Variants in ERC2 observed in about 807,000 individuals in gnomAD.
ERC2 encodes ERC protein 2.
In ERC2, 42 loss-of-function variants were observed where a neutral mutation model predicts 114.8. The ratio of observed to expected loss-of-function variants is 0.37; its 90% CI spans 0.29 to 0.47. The LOEUF is 0.47. Ranked by LOEUF, ERC2 falls within the 20% of genes least tolerant of loss-of-function variation. The pLI, the probability that ERC2 is intolerant of heterozygous loss-of-function variation, is 0.99. For missense variants in ERC2, 939 were observed against 1,150.7 expected (o/e 0.82, Z 2.66); for synonymous variants, 454 against 425.5 (o/e 1.07, Z -0.82).
At chr3:56,158,810 T>TA (rs1419396271) in intron 4 of ERC2, among the ~76,000 whole-genome samples, 5 of 151,884 alleles carry the variant, frequency 3.3e-5, no homozygotes, top group Admixed American at 3.3e-4. Context: ...ACAAACTTGT[T>TA]TTTTTTCAAA....
intron 7 of ERC2, among the ~76,000 whole-genome samples, chr3:56,076,864 G>A (rs2077000239): frequency 6.6e-6 from 1 of 152,166 alleles, no homozygotes; most frequent in Admixed American, 6.5e-5. Flanking sequence ...AGCTCTGAAG[G>A]CAAAGCTGAC....
At chr3:55,917,482 C>G (rs901457155) in intron 13 of ERC2, among the ~76,000 whole-genome samples, 14 of 151,966 alleles carry the variant, frequency 9.2e-5, no homozygotes, top group African/African-American at 3.1e-4. Context: ...GAAAAAGAAG[C>G]CAGATACAAA....
At chr3:56,418,629 T>G (rs1003464341) in intron 2 of ERC2, among the ~76,000 whole-genome samples, 2 of 152,256 alleles carry the variant, frequency 1.3e-5, no homozygotes, top group African/African-American at 4.8e-5. Context: ...ACCATATATG[T>G]GGCCTTTGGC....
intron 15 of ERC2, among the ~76,000 whole-genome samples, chr3:55,733,542 T>A (rs56895062): frequency 0.15 from 15,595 of 107,466 alleles, 1,275 homozygotes; most frequent in Middle Eastern, 0.23. Context: ...TCTCTCTCTC[T>A]CACACACACA....
chr3:55,535,202 C>G (rs2053922798), intron 17 of ERC2, among the ~76,000 whole-genome samples: 2 of 152,186 alleles, frequency 1.3e-5, no homozygotes, highest in Admixed American at 1.3e-4. Context: ...CTTCATCTTG[C>G]CTGACTTGTA....
chr3:55,990,489 C>T (rs1210704933), intron 11 of ERC2, among the ~76,000 whole-genome samples: 2 of 152,010 alleles, frequency 1.3e-5, no homozygotes, highest in Non-Finnish European at 2.9e-5. Context: ...AGTGCAGTGG[C>T]TCATAATTTA....
At chr3:55,958,661 A>T (rs2149462148) in intron 12 of ERC2, among the ~76,000 whole-genome samples, 1 of 152,308 alleles carries the variant, frequency 6.6e-6, no homozygotes, top group South Asian at 2.1e-4. Flanking sequence ...TCAGCACCCA[A>T]AGTCTAGAGA....
chr3:56,449,630 T>C (rs905011047), intron 1 of ERC2, among the ~76,000 whole-genome samples: 1 of 152,138 alleles, frequency 6.6e-6, no homozygotes, highest in African/African-American at 2.4e-5. Flanking sequence ...TTGGCTGGAG[T>C]CATATTTCTG....
chr3:56,437,748 T>G (rs1356820968), intron 1 of ERC2, among the ~76,000 whole-genome samples: 1 of 152,218 alleles, frequency 6.6e-6, no homozygotes, highest in African/African-American at 2.4e-5. Flanking sequence ...GGATCAATAG[T>G]TCTAACATAA....
intron 3 of ERC2, among the ~76,000 whole-genome samples, chr3:56,186,712 T>C (rs908224800): frequency 1.3e-5 from 2 of 152,120 alleles, no homozygotes; most frequent in African/African-American, 4.8e-5. Context: ...CTAATTTTTG[T>C]ATTTTTAATA....
At chr3:55,973,355 C>T (rs185355507) in intron 12 of ERC2, among the ~76,000 whole-genome samples, 5 of 152,306 alleles carry the variant, frequency 3.3e-5, no homozygotes, top group Admixed American at 3.3e-4. Flanking sequence ...CACTTCCACA[C>T]CTAAGTGCCA....
At chr3:55,822,712 C>A (rs919702369) in intron 14 of ERC2, among the ~76,000 whole-genome samples, 1 of 151,256 alleles carries the variant, frequency 6.6e-6, no homozygotes, top group Non-Finnish European at 1.5e-5. Flanking sequence ...ACTACAGGCA[C>A]CCGCCACTCT....
chr3:55,740,012 G>T (rs2065883236), intron 14 of ERC2, among the ~76,000 whole-genome samples: 1 of 152,092 alleles, frequency 6.6e-6, no homozygotes. Context: ...GTTAAATAGG[G>T]AATCCTTTCC....
At chr3:55,675,928 T>TTTTTTTTTTG (rs2061784611) in intron 17 of ERC2, among the ~76,000 whole-genome samples, 1 of 106,610 alleles carries the variant, frequency 9.4e-6, no homozygotes. Flanking sequence ...TTTTTTTTTT[T>TTTTTTTTTTG]TTTTTTTTTG....
rs35629979 is a variant in ERC2 at position 55,755,083 on chromosome 3, C to CT, written c.2565-20166dup. 2.6e-3 allele frequency among the ~76,000 whole-genome samples: 386 copies of CT among 145,950 alleles called. 2 individuals carry two copies. The highest frequency in any genetic ancestry group is 6.9e-3 in the African/African-American group (277 of 40,014). On this transcript the variant is annotated intron_variant, in intron 14 of 17. Coordinates refer to ENST00000288221, the MANE Select transcript of ERC2 (RefSeq NM_015576.3). ...GTCCTAGTGATTGGCTATTCATCTT[C>CT]TTTTTTTTTTTTCATCTTAGCCATT...
At chr3:55,889,093 A>G (rs111823861) in intron 13 of ERC2, among the ~76,000 whole-genome samples, 48 of 152,312 alleles carry the variant, frequency 3.2e-4, no homozygotes, top group African/African-American at 9.9e-4. Context: ...CTGTTTGGCA[A>G]AAGTCTCAGA....
At chr3:55,865,433 C>T (rs955041026) in intron 14 of ERC2, among the ~76,000 whole-genome samples, 1 of 152,144 alleles carries the variant, frequency 6.6e-6, no homozygotes, top group Non-Finnish European at 1.5e-5. Context: ...TTTCGGAGCA[C>T]TCTGCAGAGA....
At chr3:55,754,244 AC>A (rs2066908400) in intron 14 of ERC2, among the ~76,000 whole-genome samples, 1 of 151,988 alleles carries the variant, frequency 6.6e-6, no homozygotes, top group Non-Finnish European at 1.5e-5. Context: ...TGTTTTCTGT[AC>A]TTTTATCTAC....
At chr3:56,358,425 G>A (rs746339786) in intron 2 of ERC2, among the ~76,000 whole-genome samples, 13 of 152,194 alleles carry the variant, frequency 8.5e-5, no homozygotes, top group Non-Finnish European at 1.3e-4. Flanking sequence ...ACATAATTAT[G>A]TTGGAAATGC....
Sources: allele counts gnomAD v4.1 joint callset (sites outside exome capture counted in the v4.1 genomes callset), GRCh38; gene constraint gnomAD v4.1.1; transcripts MANE v1.5; gene names NCBI Gene and HGNC (gene_info 2026-07-23, HGNC 2026-07-21).